RPH3A: variants seen among roughly 807,000 people sequenced by gnomAD.
RPH3A encodes the protein rabphilin 3A, also known as rabphilin-3A.
Under a neutral mutation model 102.2 loss-of-function variants are expected in RPH3A, and 48 were observed. The observed-to-expected ratio is 0.47, with a 90% CI of 0.37 to 0.60. The LOEUF is 0.60. RPH3A is among the 20% of genes least tolerant of loss of function. The pLI is 0.00. For missense variants in RPH3A, 781 were observed against 910.1 expected (o/e 0.86, Z 1.83); for synonymous variants, 310 against 324.3 (o/e 0.96, Z 0.47).
intron 1 of RPH3A, among the ~76,000 whole-genome samples, chr12:112,584,919 C>T (rs1290425609): frequency 2.6e-5 from 4 of 152,114 alleles, no homozygotes; most frequent in Admixed American, 2.6e-4. Context: ...TGAAGTCCCA[C>T]GATAGGCTGT....
At chr12:112,896,538 C>A in intron 21 of RPH3A, 112 bp from the exon 22 acceptor site, 1 of 1,213,204 alleles carries the variant, frequency 8.2e-7, no homozygotes, top group Non-Finnish European at 1.2e-6. Flanking sequence ...GAGTATGGAT[C>A]CCAGGTTGCT....
At chr12:112,719,341 T>A (rs2040536460) in intron 1 of RPH3A, among the ~76,000 whole-genome samples, 1 of 152,168 alleles carries the variant, frequency 6.6e-6, no homozygotes, top group African/African-American at 2.4e-5. Flanking sequence ...CACCAGAGAT[T>A]AATCCTGCAA....
At chr12:112,805,643 AAAT>A (rs1324911448) in intron 2 of RPH3A, among the ~76,000 whole-genome samples, 2 of 152,274 alleles carry the variant, frequency 1.3e-5, no homozygotes, top group South Asian at 2.1e-4. Context: ...CCAACTGAAG[AAAT>A]AATATTCCTA....
intron 1 of RPH3A, among the ~76,000 whole-genome samples, chr12:112,722,264 C>T (rs1226865656): frequency 3.9e-5 from 6 of 152,228 alleles, no homozygotes; most frequent in Admixed American, 3.9e-4. Context: ...GGAAAGAATG[C>T]ATAGCTCTTC....
At chr12:112,885,953 G>A (rs2042995900) in intron 16 of RPH3A, among the ~76,000 whole-genome samples, 1 of 152,082 alleles carries the variant, frequency 6.6e-6, no homozygotes, top group Non-Finnish European at 1.5e-5. Flanking sequence ...GTGCTACAGG[G>A]TCAAAAACAG....
At chr12:112,739,504 G>A (rs2040693340) in intron 1 of RPH3A, among the ~76,000 whole-genome samples, 1 of 152,194 alleles carries the variant, frequency 6.6e-6, no homozygotes, top group Admixed American at 6.5e-5. Context: ...CAGAATTTGA[G>A]AAGGTCATCT....
At chr12:112,847,911 G>A (rs1484992728) in intron 5 of RPH3A, 69 bp downstream of exon 5, 8 of 1,560,454 alleles carry the variant, frequency 5.1e-6, no homozygotes, top group African/African-American at 1.4e-5. Flanking sequence ...CTGGAGCAGG[G>A]CTTTGGCCTC....
intron 1 of RPH3A, among the ~76,000 whole-genome samples, chr12:112,719,634 G>T (rs1030923498): frequency 1.3e-5 from 2 of 151,858 alleles, no homozygotes; most frequent in Non-Finnish European, 2.9e-5. Flanking sequence ...TTCAATAAAG[G>T]TTTGTGGAAT....
At chr12:112,838,181 G>T (rs2042085382) in intron 4 of RPH3A, among the ~76,000 whole-genome samples, 1 of 152,262 alleles carries the variant, frequency 6.6e-6, no homozygotes, top group Non-Finnish European at 1.5e-5. Flanking sequence ...TGATGTGTAA[G>T]CTGAGACCAG....
intron 1 of RPH3A, among the ~76,000 whole-genome samples, chr12:112,716,825 T>G (rs2040516567): frequency 6.6e-6 from 1 of 152,250 alleles, no homozygotes; most frequent in African/African-American, 2.4e-5. Flanking sequence ...TATTTTTTCC[T>G]GTGCTAAGCA....
intron 2 of RPH3A, among the ~76,000 whole-genome samples, chr12:112,797,969 G>A (rs976808373): frequency 8.5e-5 from 13 of 152,272 alleles, no homozygotes; most frequent in South Asian, 2.1e-4. Context: ...GATTCCAGCC[G>A]TGAGCCACTG....
intron 1 of RPH3A, chr12:112,695,308 C>G (rs747383390): frequency 6.1e-6 from 1 of 164,500 alleles, no homozygotes; most frequent in Non-Finnish European, 1.5e-5. Flanking sequence ...GCTCACCAAA[C>G]ACGCTTTCAT....
chr12:112,769,360 A>C (rs2040913050), intron 1 of RPH3A, among the ~76,000 whole-genome samples: 1 of 152,232 alleles, frequency 6.6e-6, no homozygotes, highest in South Asian at 2.1e-4. Context: ...CTCACGTTGA[A>C]GTAAACTCTC....
intron 2 of RPH3A, among the ~76,000 whole-genome samples, chr12:112,799,431 T>C (rs1356391103): frequency 6.6e-6 from 1 of 152,134 alleles, no homozygotes; most frequent in Non-Finnish European, 1.5e-5. Context: ...GAAAGAGTAC[T>C]GGGCAAACTG....
intron 1 of RPH3A, among the ~76,000 whole-genome samples, chr12:112,745,587 GGTT>G (rs1479249007): frequency 5.3e-5 from 8 of 152,104 alleles, no homozygotes; most frequent in African/African-American, 1.9e-4. Context: ...ATTTCCCTCT[GGTT>G]GTTTTTGCCA....
intron 2 of RPH3A, among the ~76,000 whole-genome samples, 163 bp from the exon 3 acceptor site, chr12:112,828,138 T>C (rs1316562025): frequency 2.6e-5 from 4 of 152,292 alleles, no homozygotes; most frequent in African/African-American, 9.6e-5. Context: ...AGCAAGACAC[T>C]TTCCCTCTTA....
chr12:112,744,900 C>T (rs1391509559), intron 1 of RPH3A, among the ~76,000 whole-genome samples: 3 of 152,220 alleles, frequency 2.0e-5, no homozygotes, highest in Non-Finnish European at 4.4e-5. Context: ...TATTCTCTTA[C>T]ATTGCCACAG....
chr12:112,887,782 T>A lies in RPH3A; in HGVS notation c.1437-15T>A. The A allele has an allele frequency of 6.2e-7, 1 of 1,612,470 alleles. No homozygotes were observed. Among genetic ancestry groups the A allele is most frequent in the Non-Finnish European group, 8.5e-7 (1 of 1,178,960 alleles). On this transcript the variant is annotated splice_polypyrimidine_tract_variant and intron_variant, in intron 16 of 21. Coordinates refer to ENST00000389385, the MANE Select transcript of RPH3A (RefSeq NM_001143854.2). ...TGTTCCTGTTTCTCTCTCTACCCCC[T>A]TGTGTTGGTGGCAGGATCTCCGTCT...
intron 2 of RPH3A, among the ~76,000 whole-genome samples, chr12:112,808,907 C>A (rs182932281): frequency 1.3e-5 from 2 of 152,142 alleles, no homozygotes; most frequent in Non-Finnish European, 2.9e-5. Context: ...AGGTGGCTCT[C>A]GGCCCTGGCT....
Sources: allele counts gnomAD v4.1 joint callset (sites outside exome capture counted in the v4.1 genomes callset), GRCh38; gene constraint gnomAD v4.1.1; transcripts MANE v1.5; gene names NCBI Gene and HGNC (gene_info 2026-07-23, HGNC 2026-07-21).